MAML3: variants seen among roughly 807,000 people sequenced by gnomAD.
The protein encoded by MAML3 is mastermind-like protein 3.
A neutral mutation model predicts 101.9 loss-of-function variants in MAML3; 27 were observed. That is an observed-to-expected ratio of 0.27 (90% CI 0.20 to 0.37). The LOEUF (loss-of-function observed/expected upper bound fraction) is 0.37, where lower values mean the gene tolerates loss of function less well. Among genes scored for constraint, MAML3 ranks in the 10% least tolerant of loss-of-function variants. The pLI, the probability that MAML3 is intolerant of heterozygous loss-of-function variation, is 1.00. For synonymous variants in MAML3, 501 were observed against 555.9 expected (o/e 0.90, Z 1.39); for missense variants, 1,316 against 1,444.9 (o/e 0.91, Z 1.45).
At chr4:139,893,290 A>G (rs1221870269) in intron 1 of MAML3, among the ~76,000 whole-genome samples, 1 of 152,066 alleles carries the variant, frequency 6.6e-6, no homozygotes, top group Non-Finnish European at 1.5e-5. Flanking sequence ...ACTCTAGGAA[A>G]TCTTCTCTTA....
chr4:139,914,178 G>T (rs1732983677), intron 1 of MAML3, among the ~76,000 whole-genome samples: 1 of 152,164 alleles, frequency 6.6e-6, no homozygotes, highest in South Asian at 2.1e-4. Flanking sequence ...ATAATGAAAT[G>T]AGGGAGGAAA....
Position 139,730,528 on chromosome 4 carries a change from T to C in MAML3, c.2219A>G (p.Lys740Arg). ...GGCCCGCTGATCAATGAGCATCTGCTTCATGATGGCTGCTTGGGGCTGGCT... is the reference window on the plus strand; with the variant it reads ...GGCCCGCTGATCAATGAGCATCTGCCTCATGATGGCTGCTTGGGGCTGGCT... The part of the protein sequence containing the change: ...LGSQPQAAIM[K>R]QMLIDQRAQL... The change falls in exon 3 of 5, where the codon AAG (lysine) becomes AGG (arginine). Residue 740 changes from lysine (K) to arginine (R), a missense_variant. Lys to Arg is a conservative substitution (Grantham distance 26). Transcript: ENST00000509479. 3 of 1,567,456 alleles carry C rather than the reference T, an allele frequency of 1.9e-6. No homozygotes were observed. Among genetic ancestry groups the C allele is most frequent in the Non-Finnish European group, 1.7e-6 (2 of 1,156,112 alleles).
At chr4:139,913,646 C>T (rs1413384805) in intron 1 of MAML3, among the ~76,000 whole-genome samples, 1 of 152,094 alleles carries the variant, frequency 6.6e-6, no homozygotes, top group Non-Finnish European at 1.5e-5. Context: ...GCAAAAGAAC[C>T]AAGGGGCTGT....
chr4:139,828,849 T>C (rs2111130852), intron 2 of MAML3, among the ~76,000 whole-genome samples: 1 of 152,114 alleles, frequency 6.6e-6, no homozygotes, highest in East Asian at 1.9e-4. Flanking sequence ...TCTCCCATTG[T>C]CATGGTCCTG....
rs535669911 is a variant in MAML3 at position 140,091,478 on chromosome 4, G to A, written c.468+61382C>T. ...AATTCCTTGCACAAGGCAAGAGGCT[G>A]GTTAGAACCCTTTCAACTAGAGGGA... On this transcript the variant is annotated intron_variant, in intron 1 of 4. Coordinates refer to ENST00000509479, the MANE Select transcript of MAML3 (RefSeq NM_018717.5). Among the ~76,000 whole-genome samples, 43 of 142,214 alleles carry A rather than the reference G, an allele frequency of 3.0e-4. 1 individual carries two copies. In the South Asian group the frequency reaches 8.7e-3, roughly 29 times the overall value. The allele number at this position is 142,214 out of a possible 152,430, so 93.3% of individuals were successfully genotyped here. A position where few individuals can be genotyped will look rare whatever the true frequency, so the allele number is the denominator to read the frequency against.
Position 140,153,286 on chromosome 4 carries a change from A to ATG in MAML3, c.41_42insCA (p.Ser15IlefsTer9). On this transcript the variant is annotated frameshift_variant, in exon 1 of 5. Transcript: ENST00000509479. LOFTEE classifies it high-confidence loss of function. ...TCAGGCTACTGTTGATGCAAATACT[A>ATG]CTGCCATTCGCGGCAGCAGCGGGGG... The ATG allele has an allele frequency of 6.2e-7, 1 of 1,605,410 alleles. No individual in the cohort carries two copies. The highest frequency in any genetic ancestry group is 8.5e-7 in the Non-Finnish European group (1 of 1,175,650).
At chr4:140,085,557 A>T (rs989097481) in intron 1 of MAML3, among the ~76,000 whole-genome samples, 5 of 152,116 alleles carry the variant, frequency 3.3e-5, no homozygotes, top group Non-Finnish European at 7.4e-5. Flanking sequence ...CTCGCTACGA[A>T]CTCCATTCTC....
intron 1 of MAML3, among the ~76,000 whole-genome samples, chr4:139,902,330 T>C (rs1351229235): frequency 6.6e-6 from 1 of 152,212 alleles, no homozygotes; most frequent in Non-Finnish European, 1.5e-5. Context: ...TTCTTATTTC[T>C]AGACAGCATC....
chr4:140,151,098 C>T lies in MAML3; in HGVS notation c.468+1762G>A, dbSNP rs536340294. 4.9e-3 allele frequency among the ~76,000 whole-genome samples: 740 copies of T among 152,114 alleles called. 8 individuals carry two copies. Among genetic ancestry groups the T allele is most frequent in the African/African-American group, 0.016 (660 of 41,528 alleles). Reference sequence around the variant, plus strand: ...CCTCCCAGCCCAGCGGCCCCGGGGTCTGAGCTGGGCCGCGAGGCGGACAAA... The same window carrying T: ...CCTCCCAGCCCAGCGGCCCCGGGGTTTGAGCTGGGCCGCGAGGCGGACAAA... On this transcript the variant is annotated intron_variant, in intron 1 of 4. Coordinates refer to ENST00000509479, the MANE Select transcript of MAML3 (RefSeq NM_018717.5).
At chr4:139,804,377 C>T (rs1167831233) in intron 2 of MAML3, among the ~76,000 whole-genome samples, 4 of 151,992 alleles carry the variant, frequency 2.6e-5, no homozygotes, top group African/African-American at 9.7e-5. Flanking sequence ...AGCGATTCTC[C>T]TGCCTCAGCC....
chr4:140,068,315 C>CTT (rs1405707559), intron 1 of MAML3, among the ~76,000 whole-genome samples: 8 of 152,186 alleles, frequency 5.3e-5, no homozygotes, highest in Non-Finnish European at 1.2e-4. Flanking sequence ...CACACACAGG[C>CTT]TTTGTACACA....
chr4:140,046,825 C>A (rs1255661279), intron 1 of MAML3, among the ~76,000 whole-genome samples: 2 of 151,992 alleles, frequency 1.3e-5, no homozygotes, highest in Admixed American at 6.6e-5. Context: ...TGTACTGAAG[C>A]TGTGTTTGCA....
At chr4:139,752,984 T>C (rs1270836658) in intron 2 of MAML3, among the ~76,000 whole-genome samples, 2 of 152,118 alleles carry the variant, frequency 1.3e-5, no homozygotes, top group Admixed American at 6.5e-5. Flanking sequence ...GTCAAGATAA[T>C]AGGAGGATAC....
intron 1 of MAML3, among the ~76,000 whole-genome samples, chr4:140,008,803 T>C (rs1239320073): frequency 2.0e-5 from 3 of 152,216 alleles, no homozygotes; most frequent in African/African-American, 4.8e-5. Flanking sequence ...AACTGACTCC[T>C]TGCGATAAAA....
intron 1 of MAML3, among the ~76,000 whole-genome samples, chr4:140,122,325 A>G (rs2111027147): frequency 1.3e-5 from 2 of 151,098 alleles, no homozygotes; most frequent in South Asian, 4.2e-4. Flanking sequence ...AATTCAAGCA[A>G]TTCTCCTACC....
At position 139,867,232 on chromosome 4, in the gene MAML3, C is replaced by T. The variant is rs559912756; in HGVS notation, c.2079+22125G>A. On this transcript the variant is annotated intron_variant, in intron 2 of 4. Coordinates refer to ENST00000509479, the MANE Select transcript of MAML3 (RefSeq NM_018717.5). ...GGACCTAAACCAGAAAATCTTAACCCAGGAATCATTGAATCCCCTGCAAAT... is the reference window on the plus strand; with the variant it reads ...GGACCTAAACCAGAAAATCTTAACCTAGGAATCATTGAATCCCCTGCAAAT... Among the ~76,000 whole-genome samples the T allele has an allele frequency of 2.0e-4, 30 of 152,204 alleles. 1 individual carries two copies. The highest frequency in any genetic ancestry group is 1.0e-3 in the South Asian group (5 of 4,810).
chr4:139,981,832 G>A (rs994217286), intron 1 of MAML3, among the ~76,000 whole-genome samples: 1 of 152,152 alleles, frequency 6.6e-6, no homozygotes, highest in East Asian at 1.9e-4. Flanking sequence ...GACTAGACCC[G>A]TGTTATAGAT....
At chr4:139,872,573 T>C (rs1310070600) in intron 2 of MAML3, among the ~76,000 whole-genome samples, 1 of 152,128 alleles carries the variant, frequency 6.6e-6, no homozygotes, top group Non-Finnish European at 1.5e-5. Context: ...CTGGAGGATG[T>C]ACTGGAAGAA....
chr4:140,066,800 T>G lies in MAML3; in HGVS notation c.468+86060A>C, dbSNP rs116396440. Among the ~76,000 whole-genome samples, 1,089 of 152,314 alleles carry G rather than the reference T, an allele frequency of 7.1e-3. 13 individuals are homozygous for G. The highest frequency in any genetic ancestry group is 0.025 in the African/African-American group (1,038 of 41,568). ...TCTACCTATCCCACCAACTGCTGCT[T>G]CCTTTCTGGGAGAACCCATCCAATT... is the stretch of plus-strand genomic sequence containing the variant. On this transcript the variant is annotated intron_variant, in intron 1 of 4. Coordinates refer to ENST00000509479, the MANE Select transcript of MAML3 (RefSeq NM_018717.5).
Sources: allele counts gnomAD v4.1 joint callset (sites outside exome capture counted in the v4.1 genomes callset), GRCh38; gene constraint gnomAD v4.1.1; transcripts MANE v1.5; gene names NCBI Gene and HGNC (gene_info 2026-07-23, HGNC 2026-07-21).